Variants in TMEM45B observed in about 807,000 individuals in gnomAD.
TMEM45B encodes the protein transmembrane protein 45B.
A neutral mutation model predicts 27.3 loss-of-function variants in TMEM45B; 29 were observed. That is an observed-to-expected ratio of 1.06 (90% CI 0.79 to 1.45). TMEM45B has a LOEUF of 1.45. Among genes scored for constraint, TMEM45B ranks in the 40% most tolerant of loss-of-function variants. TMEM45B has a pLI of 0.00. For missense variants in TMEM45B, 348 were observed against 343.9 expected (o/e 1.01, Z -0.09); for synonymous variants, 143 against 134.7 (o/e 1.06, Z -0.43).
intron 1 of TMEM45B, chr11:129,828,128 CATTGT>C (rs1947508081): frequency 1.3e-5 from 2 of 152,070 alleles, no homozygotes; most frequent in African/African-American, 2.4e-5. Flanking sequence ...CATCATTATC[CATTGT>C]ATTATTTCCT....
At chr11:129,845,555 A>T (rs527514138) in intron 1 of TMEM45B, among the ~76,000 whole-genome samples, 20 of 152,280 alleles carry the variant, frequency 1.3e-4, no homozygotes, top group African/African-American at 4.6e-4. Context: ...AGTAATTAAA[A>T]TGGTATACTA....
chr11:129,837,245 C>A (rs1471896057), intron 1 of TMEM45B, among the ~76,000 whole-genome samples: 1 of 151,528 alleles, frequency 6.6e-6, no homozygotes, highest in Non-Finnish European at 1.5e-5. Flanking sequence ...GTAGATAGGG[C>A]TGGGGAAGGA....
chr11:129,849,432 G>T (rs1947813467), intron 1 of TMEM45B, among the ~76,000 whole-genome samples: 1 of 152,208 alleles, frequency 6.6e-6, no homozygotes, highest in Non-Finnish European at 1.5e-5. Context: ...ACACACTGGG[G>T]TGGGTGTTGG....
intron 1 of TMEM45B, among the ~76,000 whole-genome samples, chr11:129,844,503 T>G (rs757358821): frequency 9.2e-5 from 14 of 152,062 alleles, no homozygotes; most frequent in Non-Finnish European, 1.9e-4. Context: ...CTGGGCAACA[T>G]AGCGAGACGT....
At chr11:129,816,048 G>T (rs1947346232) in intron 1 of TMEM45B, 150 bp downstream of exon 1, 5 of 1,178,320 alleles carry the variant, frequency 4.2e-6, no homozygotes, top group Non-Finnish European at 5.3e-6. Flanking sequence ...AGGGGCTCTG[G>T]GACAGGGGTG....
Position 129,857,327 on chromosome 11 carries a change from G to T in TMEM45B, c.585G>T (p.Leu195=). The change falls in exon 5 of 6, where the codon CTG becomes CTT. Residue 195 remains leucine (L), a synonymous_variant. Transcript: ENST00000281441. ...GTWFWQIGFV[L]FPPFGTPEWD... ...TAATCCCCTAGATTGGGTTTGTGCT[G>T]TTCCCACCTTTTGGAACACCCGAAT... is the stretch of plus-strand genomic sequence containing the variant. 6.2e-7 allele frequency: 1 copy of T among 1,614,194 alleles called. No homozygotes were observed. Among genetic ancestry groups the T allele is most frequent in the Non-Finnish European group, 8.5e-7 (1 of 1,180,032 alleles).
intron 4 of TMEM45B, among the ~76,000 whole-genome samples, chr11:129,856,532 T>C (rs1430662470): frequency 1.3e-5 from 2 of 148,230 alleles, no homozygotes; most frequent in African/African-American, 5.0e-5. Flanking sequence ...AGTAAGCCTA[T>C]ACAACCAAAA....
intron 5 of TMEM45B, 83 bp downstream of exon 5, chr11:129,857,541 C>G (rs1352102828): frequency 6.7e-7 from 1 of 1,489,002 alleles, no homozygotes; most frequent in Non-Finnish European, 9.2e-7. Context: ...TGATGAGTGC[C>G]GACTACAGGC....
chr11:129,839,629 T>G (rs1947666148), intron 1 of TMEM45B, among the ~76,000 whole-genome samples: 1 of 152,136 alleles, frequency 6.6e-6, no homozygotes, highest in South Asian at 2.1e-4. Context: ...AGCCTCAACC[T>G]CACAGGCTCA....
At position 129,820,762 on chromosome 11, in the gene TMEM45B, C is replaced by T. The variant is rs571486330; in HGVS notation, c.-9+4864C>T. ...TTATTTTTTAATTATCTGCTTTGGT[C>T]AACATAAATCAATGTATAGTCTTAG... On this transcript the variant is annotated intron_variant, in intron 1 of 5. Coordinates refer to ENST00000281441, the MANE Select transcript of TMEM45B (RefSeq NM_138788.5). Among the ~76,000 whole-genome samples the T allele has an allele frequency of 5.9e-5, 9 of 152,268 alleles. No individual in the cohort carries two copies. The East Asian group carries it at 1.7e-3, about 29-fold the overall frequency.
At chr11:129,837,928 C>A (rs1268194319) in intron 1 of TMEM45B, among the ~76,000 whole-genome samples, 1 of 151,564 alleles carries the variant, frequency 6.6e-6, no homozygotes, top group Non-Finnish European at 1.5e-5. Context: ...ACTACAGGTG[C>A]CCGCCACCAT....
chr11:129,816,561 C>T (rs1947353788), intron 1 of TMEM45B, among the ~76,000 whole-genome samples: 1 of 151,918 alleles, frequency 6.6e-6, no homozygotes, highest in African/African-American at 2.4e-5. Flanking sequence ...GAGAAATTTG[C>T]GGGGGTGGCC....
intron 1 of TMEM45B, among the ~76,000 whole-genome samples, chr11:129,824,326 A>G (rs1485546545): frequency 6.6e-6 from 1 of 152,184 alleles, no homozygotes; most frequent in Non-Finnish European, 1.5e-5. Context: ...GTCTCTCTTA[A>G]TACTAAAAAA....
intron 1 of TMEM45B, among the ~76,000 whole-genome samples, chr11:129,830,986 C>T (rs1203214825): frequency 6.6e-6 from 1 of 152,154 alleles, no homozygotes; most frequent in Non-Finnish European, 1.5e-5. Context: ...TGTTCCAAGA[C>T]CCCCAGTGGA....
At position 129,832,538 on chromosome 11, in the gene TMEM45B, T is replaced by G. The variant is rs1947562433; in HGVS notation, c.-9+16640T>G. On this transcript the variant is annotated intron_variant, in intron 1 of 5. Coordinates refer to ENST00000281441, the MANE Select transcript of TMEM45B (RefSeq NM_138788.5). The stretch of plus-strand genomic sequence containing the variant: ...AAAGCATATTGGTGATTGCCAGGGG[T>G]TGGGGGGCTGGCGGGAAACGGGAAT... 2.0e-5 allele frequency among the ~76,000 whole-genome samples: 3 copies of G among 150,194 alleles called. No individual in the cohort carries two copies. The South Asian group carries it at 6.5e-4, about 32-fold the overall frequency.
chr11:129,842,378 T>C (rs771591385), intron 1 of TMEM45B, among the ~76,000 whole-genome samples: 2 of 152,214 alleles, frequency 1.3e-5, no homozygotes, highest in African/African-American at 4.8e-5. Flanking sequence ...AGCATCACAC[T>C]TCCTGTGTTC....
In TMEM45B at chr11:129,852,460, C is replaced by A. The variant is rs745539022; in HGVS notation, c.-8-15C>A. The stretch of plus-strand genomic sequence containing the variant: ...GCTTCATTAGCCACCTAACAGCCTT[C>A]CCCTAATTTTTTAGGTGTCCTGATG... On this transcript the variant is annotated splice_polypyrimidine_tract_variant and intron_variant, in intron 1 of 5. Transcript: ENST00000281441. 2 of 1,579,966 alleles carry A rather than the reference C, an allele frequency of 1.3e-6. No individual in the cohort carries two copies. The highest frequency in any genetic ancestry group is 4.5e-5 in the East Asian group (2 of 43,992).
chr11:129,844,062 T>C (rs939652896), intron 1 of TMEM45B, among the ~76,000 whole-genome samples: 3 of 152,064 alleles, frequency 2.0e-5, no homozygotes, highest in Admixed American at 6.5e-5. Flanking sequence ...CACTGATTGA[T>C]GAATGGACAA....
intron 1 of TMEM45B, 74 bp downstream of exon 1, chr11:129,815,972 C>A: frequency 2.4e-6 from 3 of 1,257,244 alleles, no homozygotes; most frequent in Non-Finnish European, 3.0e-6. Flanking sequence ...CGCCAAGGAG[C>A]GGGGCTGTGA....
Sources: gnomAD v4.1 joint callset for allele counts (sites outside exome capture counted in the v4.1 genomes callset) on GRCh38, gnomAD v4.1.1 for gene constraint, MANE v1.5 for transcripts, NCBI Gene and HGNC (gene_info 2026-07-23, HGNC 2026-07-21) for gene names.